DOCK1: variants seen among roughly 807,000 people sequenced by gnomAD.
DOCK1 encodes the protein dedicator of cytokinesis 1.
DOCK1 carries 138 observed loss-of-function variants against 262.7 expected under a neutral mutation model. The ratio of observed to expected loss-of-function variants is 0.53; its 90% CI spans 0.46 to 0.61. The LOEUF (loss-of-function observed/expected upper bound fraction) is 0.61. DOCK1 is among the 20% of genes least tolerant of loss of function. The pLI is 0.00. For synonymous variants in DOCK1, 866 were observed against 867.4 expected (o/e 1.00, Z 0.03); for missense variants, 1,908 against 2,370.7 (o/e 0.80, Z 4.05).
At chr10:127,056,797 G>A (rs7915254) in intron 22 of DOCK1, among the ~76,000 whole-genome samples, 134,122 of 152,162 alleles carry the variant, frequency 0.88, 59,343 homozygotes, top group South Asian at 0.93. Flanking sequence ...TTTGAGATGT[G>A]GAGCACCTAG....
intron 29 of DOCK1, among the ~76,000 whole-genome samples, chr10:127,290,894 G>A (rs1296144660): frequency 6.6e-6 from 1 of 152,204 alleles, no homozygotes; most frequent in African/African-American, 2.4e-5. Context: ...TTTGTGTGCA[G>A]TTTTTTGTGT....
chr10:126,927,754 G>A (rs944105049), intron 1 of DOCK1, among the ~76,000 whole-genome samples: 5 of 152,112 alleles, frequency 3.3e-5, no homozygotes, highest in Non-Finnish European at 7.4e-5. Context: ...ATTCTTTCAC[G>A]TGTTCATTCA....
chr10:127,230,236 G>T (rs2058791766), intron 27 of DOCK1, among the ~76,000 whole-genome samples: 1 of 152,026 alleles, frequency 6.6e-6, no homozygotes, highest in Non-Finnish European at 1.5e-5. Flanking sequence ...TCTGGTGATT[G>T]TTCCTTTTAC....
chr10:126,935,491 CTG>C (rs2034503483), intron 1 of DOCK1, among the ~76,000 whole-genome samples: 1 of 152,212 alleles, frequency 6.6e-6, no homozygotes, highest in South Asian at 2.1e-4. Context: ...GCCCTGCCCT[CTG>C]TGCTGCTGCT....
chr10:127,298,166 T>C (rs1184649513), intron 29 of DOCK1, among the ~76,000 whole-genome samples: 1 of 152,206 alleles, frequency 6.6e-6, no homozygotes, highest in African/African-American at 2.4e-5. Flanking sequence ...ATGCATACTG[T>C]GTTATGCCAT....
In DOCK1 at chr10:127,186,504, A is replaced by ACCCCCCC. The variant is rs1216809857; in HGVS notation, c.2847+58742_2847+58743insCCCCCCC. ...CAATCATGATAACAGCATGGGAGAAACCGCCCCCCCGCCCCCCCCCGATCC... is the reference window on the plus strand; with the variant it reads ...CAATCATGATAACAGCATGGGAGAAACCCCCCCCCGCCCCCCCGCCCCCCCCCGATCC... On this transcript the variant is annotated intron_variant, in intron 27 of 51. Coordinates refer to ENST00000623213, the MANE Select transcript of DOCK1 (RefSeq NM_001290223.2). Among the ~76,000 whole-genome samples, 12 of 9,022 alleles carry ACCCCCCC rather than the reference A, an allele frequency of 1.3e-3. 1 individual carries two copies. Among genetic ancestry groups the ACCCCCCC allele is most frequent in the Non-Finnish European group, 2.8e-3 (8 of 2,824 alleles). The allele number at this position is 9,022 out of a possible 152,430, so 5.9% of individuals were successfully genotyped here.
intron 27 of DOCK1, among the ~76,000 whole-genome samples, chr10:127,230,561 T>C (rs1047436891): frequency 2.6e-5 from 4 of 151,982 alleles, no homozygotes; most frequent in Non-Finnish European, 5.9e-5. Flanking sequence ...TTGTTGAAAA[T>C]CAATTGACTG....
intron 10 of DOCK1, among the ~76,000 whole-genome samples, chr10:127,004,763 T>TC (rs2040872593): frequency 5.9e-4 from 5 of 8,528 alleles, no homozygotes; most frequent in Non-Finnish European, 1.0e-3. Flanking sequence ...AACGGCCCCC[T>TC]GCCCCGCCAC....
rs35762721 is a variant in DOCK1 at position 127,400,183 on chromosome 10, C to CAAA, written c.3928-2860_3928-2858dup. On this transcript the variant is annotated intron_variant, in intron 38 of 51. Coordinates refer to ENST00000623213, the MANE Select transcript of DOCK1 (RefSeq NM_001290223.2). Reference sequence around the variant, plus strand: ...ATTGTAGAATAACTTTTACTCTCATCAAAAAAAAAAAAAAGCAGATGGTTT... The same window carrying CAAA: ...ATTGTAGAATAACTTTTACTCTCATCAAAAAAAAAAAAAAAAAGCAGATGGTTT... 6.2e-3 allele frequency among the ~76,000 whole-genome samples: 892 copies of CAAA among 143,692 alleles called. 10 individuals carry two copies. The highest frequency in any genetic ancestry group is 0.021 in the African/African-American group (834 of 39,230). 94.3% of individuals were successfully genotyped at this position (143,692 alleles called of 152,430 possible).
chr10:127,344,686 G>GAA (rs1565009207), intron 31 of DOCK1: 2 of 152,094 alleles, frequency 1.3e-5, no homozygotes, highest in Non-Finnish European at 2.9e-5. Context: ...CATCATCTCT[G>GAA]GAGAGTAAGA....
intron 25 of DOCK1, among the ~76,000 whole-genome samples, chr10:127,111,567 G>A (rs1225272118): frequency 6.6e-6 from 1 of 152,120 alleles, no homozygotes; most frequent in Non-Finnish European, 1.5e-5. Flanking sequence ...TCCAAGACTT[G>A]GGTACTCTAG....
chr10:127,010,074 C>G (rs1265357509), intron 11 of DOCK1, among the ~76,000 whole-genome samples: 1 of 151,728 alleles, frequency 6.6e-6, no homozygotes, highest in Non-Finnish European at 1.5e-5. Context: ...TGTATCTCAG[C>G]ATGCACAACT....
At chr10:127,262,485 A>T (rs11017011) in intron 29 of DOCK1, among the ~76,000 whole-genome samples, 53,915 of 151,700 alleles carry the variant, frequency 0.36, 9,584 homozygotes, top group Admixed American at 0.41. Flanking sequence ...TGATAACTGT[A>T]ACTTTTATTC....
chr10:127,413,973 G>A (rs1378145679), intron 43 of DOCK1, among the ~76,000 whole-genome samples: 2 of 152,058 alleles, frequency 1.3e-5, no homozygotes, highest in East Asian at 1.9e-4. Context: ...GTGCAGTGGT[G>A]TAATGTCAGC....
chr10:127,082,619 G>A (rs1186850981), intron 23 of DOCK1, among the ~76,000 whole-genome samples: 1 of 152,064 alleles, frequency 6.6e-6, no homozygotes, highest in Non-Finnish European at 1.5e-5. Flanking sequence ...AATACATGGG[G>A]ATGATGGGAG....
intron 37 of DOCK1, among the ~76,000 whole-genome samples, 168 bp from the exon 38 acceptor site, chr10:127,384,622 G>A (rs775545806): frequency 1.6e-4 from 24 of 152,144 alleles, no homozygotes; most frequent in Non-Finnish European, 3.1e-4. Flanking sequence ...TATGCCTGTC[G>A]GTATGTCCGG....
chr10:126,948,230 A>G (rs1373877632), intron 1 of DOCK1, among the ~76,000 whole-genome samples: 1 of 59,704 alleles, frequency 1.7e-5, no homozygotes, highest in Non-Finnish European at 3.8e-5. Flanking sequence ...GGTGGTTGGT[A>G]GTATTACTGT....
At chr10:127,095,905 T>TA (rs1035980577) in intron 23 of DOCK1, among the ~76,000 whole-genome samples, 1 of 152,172 alleles carries the variant, frequency 6.6e-6, no homozygotes, top group African/African-American at 2.4e-5. Context: ...GGCTTTGTGA[T>TA]ACAGAAACAC....
chr10:127,285,092 C>T (rs537773990), intron 29 of DOCK1, among the ~76,000 whole-genome samples: 24 of 152,222 alleles, frequency 1.6e-4, no homozygotes, highest in Non-Finnish European at 2.6e-4. Context: ...GAGTCGTGAT[C>T]GTGCCACTGC....
Sources: allele counts gnomAD v4.1 joint callset (sites outside exome capture counted in the v4.1 genomes callset), GRCh38; gene constraint gnomAD v4.1.1; transcripts MANE v1.5; gene names NCBI Gene and HGNC (gene_info 2026-07-23, HGNC 2026-07-21).